The following DYNC2H1 variants were observed in gnomAD, a reference collection of about 807,000 sequenced individuals.
DYNC2H1 encodes the protein dynein cytoplasmic 2 heavy chain 1, also known as cytoplasmic dynein 2 heavy chain 1.
Under a neutral mutation model 570.0 loss-of-function variants are expected in DYNC2H1, and 410 were observed. That is an observed-to-expected ratio of 0.72 (90% CI 0.66 to 0.78). The LOEUF is 0.78. DYNC2H1 is among the 30% of genes least tolerant of loss of function. The pLI, the probability that DYNC2H1 is intolerant of heterozygous loss-of-function variation, is 0.00. For synonymous variants in DYNC2H1, 1,688 were observed against 1,677.6 expected (o/e 1.01, Z -0.15); for missense variants, 4,865 against 5,046.4 (o/e 0.96, Z 1.09).
intron 75 of DYNC2H1, 37 bp downstream of exon 75, chr11:103,287,642 C>G (rs1417102504): frequency 6.6e-7 from 1 of 1,523,944 alleles, no homozygotes. Context: ...GACCACTGAC[C>G]TGAATTATTT....
At chr11:103,374,198 A>G (rs754497983) in intron 83 of DYNC2H1, among the ~76,000 whole-genome samples, 23 of 152,100 alleles carry the variant, frequency 1.5e-4, no homozygotes, top group Non-Finnish European at 2.6e-4. Context: ...AATCCCCATA[A>G]TCGCCGTGTG....
intron 65 of DYNC2H1, among the ~76,000 whole-genome samples, chr11:103,247,404 G>C (rs1864659739): frequency 1.3e-5 from 2 of 152,030 alleles, no homozygotes; most frequent in Admixed American, 1.3e-4. Flanking sequence ...CTGTTTTCAA[G>C]AGGTATATCT....
In DYNC2H1 at chr11:103,129,138, A is replaced by G; in HGVS notation, c.1953+133A>G. ...GTTTTGCTTCCAGGGACTTCCTTCA[A>G]TCTTAGCAAGTAAAATTATTTTTTC... On this transcript the variant is annotated intron_variant, in intron 13 of 88. Transcript: ENST00000375735. This position sits in a 1 kb window ranked among gnomAD's most constrained non-coding sequence, Gnocchi z 4.1. The G allele has an allele frequency of 1.5e-6, 1 of 653,850 alleles. No individual in the cohort carries two copies. The highest frequency in any genetic ancestry group is 2.7e-5 in the South Asian group (1 of 37,278). 40.5% of individuals were successfully genotyped at this position (653,850 alleles called of 1,614,324 possible). A position where few individuals can be genotyped will look rare whatever the true frequency, so the allele number is the denominator to read the frequency against.
chr11:103,160,448 G>T (rs1437521633), intron 28 of DYNC2H1, among the ~76,000 whole-genome samples: 2 of 151,914 alleles, frequency 1.3e-5, no homozygotes, highest in Admixed American at 6.6e-5. Context: ...TTTTGGAATT[G>T]CTAAGTCATA....
Position 103,241,548 on chromosome 11 carries a change from G to T in DYNC2H1, c.9820-2145G>T. 1 of 1,585,080 alleles carries T rather than the reference G, an allele frequency of 6.3e-7. No homozygotes were observed. Among genetic ancestry groups the T allele is most frequent in the Non-Finnish European group, 8.6e-7 (1 of 1,159,452 alleles). On this transcript the variant is annotated intron_variant, in intron 63 of 88. Coordinates refer to ENST00000375735, the MANE Select transcript of DYNC2H1 (RefSeq NM_001377.3). This position sits in a 1 kb window ranked among gnomAD's most constrained non-coding sequence, Gnocchi z 5.1. ...TCAGATCATTGGTTTGAAATCATGG[G>T]TAAGAACTTTTTAAAAATTTAAAAT...
intron 70 of DYNC2H1, among the ~76,000 whole-genome samples, chr11:103,272,342 G>C (rs61898181): frequency 0.11 from 16,897 of 151,934 alleles, 977 homozygotes; most frequent in Non-Finnish European, 0.12. Flanking sequence ...CAAACACTGC[G>C]TGTTCTCACT....
At chr11:103,165,068 T>C (rs866750420) in intron 30 of DYNC2H1, among the ~76,000 whole-genome samples, 1 of 152,182 alleles carries the variant, frequency 6.6e-6, no homozygotes, top group Non-Finnish European at 1.5e-5. Flanking sequence ...ATGAATTTGC[T>C]TAGAAATGAG....
At chr11:103,255,302 A>G in intron 66 of DYNC2H1, 113 bp from the exon 67 acceptor site, 1 of 1,167,288 alleles carries the variant, frequency 8.6e-7, no homozygotes, top group South Asian at 1.6e-5. Context: ...GAAATGAGAT[A>G]ACATAGTATC....
At chr11:103,266,576 G>A (rs1865513786) in intron 70 of DYNC2H1, among the ~76,000 whole-genome samples, 1 of 152,192 alleles carries the variant, frequency 6.6e-6, no homozygotes, top group Admixed American at 6.5e-5. Flanking sequence ...GGGAGGTTGG[G>A]CAGACTGCAC....
At position 103,156,548 on chromosome 11, in the gene DYNC2H1, T is replaced by C. The variant is rs748641167; in HGVS notation, c.3905T>C (p.Val1302Ala). The C allele has an allele frequency of 5.0e-6, 8 of 1,613,686 alleles. No homozygotes were observed. The highest frequency in any genetic ancestry group is 4.0e-5 in the African/African-American group (3 of 75,016). ...GACTGGAAAGATATAGTAAATCAGG[T>C]TGGAGATAATAGATGCCTTCTCCAA... Reference protein sequence around the residue: ...IKDWKDIVNQVGDNRCLLQSL... With the variant: ...IKDWKDIVNQAGDNRCLLQSL... The change falls in exon 26 of 89, where the codon GTT (valine) becomes GCT (alanine). Residue 1302 changes from valine to alanine, a missense_variant. By Grantham distance (64) the Val-to-Ala change is moderately conservative. Transcript: ENST00000375735.
chr11:103,419,366 T>TCC (rs1943402111), intron 84 of DYNC2H1, among the ~76,000 whole-genome samples: 1 of 152,044 alleles, frequency 6.6e-6, no homozygotes, highest in South Asian at 2.1e-4. Context: ...TCCAGATACC[T>TCC]CCTACAGGCA....
Position 103,456,291 on chromosome 11 carries a change from G to C in DYNC2H1, c.12583G>C (p.Val4195Leu). Residue 4195 changes from valine (V) to leucine (L), a missense_variant, in exon 87 of 89, where the codon GTG becomes CTG. By Grantham distance (32) the Val-to-Leu change is conservative. This residue lies in a region of DYNC2H1 where 2,401 missense variants were observed against 2,454.6 expected (regional missense o/e 0.98). Transcript: ENST00000375735. Reference protein sequence around the residue: ...QETARAVGRSVDSLKFVASWK... With the variant: ...QETARAVGRSLDSLKFVASWK... Reference sequence around the variant, plus strand: ...CCTTTACAGGGCAGTGGGTCGTTCTGTGGATAGCCTTAAATTTGTAGCCTC... The same window carrying C: ...CCTTTACAGGGCAGTGGGTCGTTCTCTGGATAGCCTTAAATTTGTAGCCTC... 6.2e-7 allele frequency: 1 copy of C among 1,609,392 alleles called. No individual in the cohort carries two copies. Among genetic ancestry groups the C allele is most frequent in the Non-Finnish European group, 8.5e-7 (1 of 1,177,426 alleles).
At chr11:103,425,373 G>T (rs7106177) in intron 84 of DYNC2H1, among the ~76,000 whole-genome samples, 43,880 of 151,918 alleles carry the variant, frequency 0.29, 6,380 homozygotes, top group South Asian at 0.35. Context: ...TCTGATGACG[G>T]CCGCCTTCCA....
At chr11:103,269,842 G>A (rs1477801034) in intron 70 of DYNC2H1, among the ~76,000 whole-genome samples, 1 of 151,894 alleles carries the variant, frequency 6.6e-6, no homozygotes. Flanking sequence ...TTTAGAATAG[G>A]TACAAAATAA....
At chr11:103,343,657 C>T (rs1939593985) in intron 82 of DYNC2H1, among the ~76,000 whole-genome samples, 1 of 152,184 alleles carries the variant, frequency 6.6e-6, no homozygotes, top group Admixed American at 6.5e-5. Flanking sequence ...TCTTCCAAAA[C>T]CACCTCTGGA....
At chr11:103,174,213 CATA>C (rs1861700828) in intron 36 of DYNC2H1, 43 bp downstream of exon 36, 2 of 1,449,084 alleles carry the variant, frequency 1.4e-6, no homozygotes, top group African/African-American at 2.8e-5. Context: ...TTTTTAAAAA[CATA>C]AGCGTTAATT....
rs1591482621 is a variant in DYNC2H1 at position 103,256,296 on chromosome 11, A to G, written c.10461+56A>G. 40 of 1,496,462 alleles carry G rather than the reference A, an allele frequency of 2.7e-5. No individual in the cohort carries two copies. In the East Asian group the frequency reaches 9.4e-4, roughly 35 times the overall value. The allele number at this position is 1,496,462 out of a possible 1,614,324, so 92.7% of individuals were successfully genotyped here. Reference sequence around the variant, plus strand: ...TATGTTTTCTTGAACATTTAGGTTAATATGATAGAAAATGTAGAATCAGGT... The same window carrying G: ...TATGTTTTCTTGAACATTTAGGTTAGTATGATAGAAAATGTAGAATCAGGT... On this transcript the variant is annotated intron_variant, in intron 68 of 88. Coordinates refer to ENST00000375735, the MANE Select transcript of DYNC2H1 (RefSeq NM_001377.3). The surrounding 1 kb of genome is among the most constrained non-coding windows in gnomAD (Gnocchi z 4.0).
chr11:103,256,197 A>G lies in DYNC2H1; in HGVS notation c.10418A>G (p.Glu3473Gly), dbSNP rs1450447726. Residue 3473 changes from glutamate to glycine, a missense_variant, in exon 68 of 89, where the codon GAG becomes GGG. Around this residue, in one of 5 missense-constraint regions of DYNC2H1, gnomAD observed 2,401 missense variants for 2,454.6 expected, o/e 0.98. Coordinates refer to ENST00000375735, the MANE Select transcript of DYNC2H1 (RefSeq NM_001377.3). The surrounding 1 kb of genome is among the most constrained non-coding windows in gnomAD (Gnocchi z 4.0). Reference protein sequence around the residue: ...QTKASSALIQESLKESYKLQI... With the variant: ...QTKASSALIQGSLKESYKLQI... Reference sequence around the variant, plus strand: ...AAAGCAAGCAGTGCACTTATTCAAGAGTCACTTAAAGAATCTTACAAACTC... The same window carrying G: ...AAAGCAAGCAGTGCACTTATTCAAGGGTCACTTAAAGAATCTTACAAACTC... 1 of 1,606,762 alleles carries G rather than the reference A, an allele frequency of 6.2e-7. No individual in the cohort carries two copies.
intron 55 of DYNC2H1, among the ~76,000 whole-genome samples, chr11:103,216,980 T>C (rs1251353558): frequency 1.3e-5 from 2 of 152,166 alleles, no homozygotes; most frequent in African/African-American, 4.8e-5. Context: ...CTGAGACTTT[T>C]GTTACCTTAT....
Sources: gnomAD v4.1 joint callset for allele counts (sites outside exome capture counted in the v4.1 genomes callset) on GRCh38, gnomAD v4.1.1 for gene constraint, gnomAD v4.1.1 regional missense constraint, Gnocchi (gnomAD v3.1) non-coding constraint, MANE v1.5 for transcripts, NCBI Gene and HGNC (gene_info 2026-07-23, HGNC 2026-07-21) for gene names.